CALD1: variants seen among roughly 807,000 people sequenced by gnomAD.
The protein encoded by CALD1 is caldesmon 1.
In CALD1, 33 loss-of-function variants were observed where a neutral mutation model predicts 99.9. That is an observed-to-expected ratio of 0.33 (90% confidence interval 0.25 to 0.44). CALD1 has a LOEUF of 0.44. Ranked by LOEUF, CALD1 falls within the 20% of genes least tolerant of loss-of-function variation. The probability of loss-of-function intolerance (pLI) is 1.00; values close to 1 mark genes in which losing one functional copy is unlikely to be tolerated. For synonymous variants in CALD1, 310 were observed against 325.0 expected (o/e 0.95, Z 0.50); for missense variants, 861 against 962.1 (o/e 0.89, Z 1.39).
chr7:134,730,475 G>A, the CALD1 span, among the ~76,000 whole-genome samples: 5 of 152,080 alleles, frequency 3.3e-5, no homozygotes, highest in South Asian at 2.1e-4. Context: ...AACTATCCAC[G>A]GGTTTTACAA....
At chr7:134,960,226 T>C (rs1390620934) in intron 12 of CALD1, 115 bp downstream of exon 12, 7 of 1,256,964 alleles carry the variant, frequency 5.6e-6, no homozygotes, top group Non-Finnish European at 7.9e-6. Context: ...GTGCAATTTG[T>C]ACTTTGTTTT....
At chr7:134,883,910 C>G (rs933170895) in intron 3 of CALD1, among the ~76,000 whole-genome samples, 3 of 152,086 alleles carry the variant, frequency 2.0e-5, no homozygotes, top group Non-Finnish European at 4.4e-5. Context: ...GAGTTTGAGA[C>G]CAGCCTGACC....
chr7:134,782,324 T>C (rs1797137778), intron 1 of CALD1, among the ~76,000 whole-genome samples: 1 of 152,210 alleles, frequency 6.6e-6, no homozygotes, highest in Non-Finnish European at 1.5e-5. Context: ...AGAAAGATGC[T>C]GCCAAAGAAT....
At chr7:134,759,475 G>C (rs543821932) in intron 1 of CALD1, among the ~76,000 whole-genome samples, 1 of 152,306 alleles carries the variant, frequency 6.6e-6, no homozygotes, top group Non-Finnish European at 1.5e-5. Context: ...CAGTGCTCAA[G>C]GCAGAGAGAA....
the CALD1 span, among the ~76,000 whole-genome samples, chr7:134,735,565 CTGTGTGTG>C: frequency 1.9e-4 from 23 of 121,404 alleles, no homozygotes; most frequent in African/African-American, 6.5e-4. Flanking sequence ...CCACTACCCT[CTGTGTGTG>C]TGTGTGTGTG....
chr7:134,826,050 T>TAA, intron 1 of CALD1, among the ~76,000 whole-genome samples: 1 of 151,516 alleles, frequency 6.6e-6, no homozygotes, highest in African/African-American at 2.4e-5. Flanking sequence ...CTACTGTTTA[T>TAA]ATAAAAAAAA....
intron 1 of CALD1, among the ~76,000 whole-genome samples, chr7:134,757,921 C>G (rs1366199476): frequency 2.0e-5 from 3 of 152,034 alleles, no homozygotes; most frequent in African/African-American, 7.2e-5. Context: ...GCAAAACTTT[C>G]AGAATGGCTC....
chr7:134,843,313 C>T (rs1799724999), intron 1 of CALD1, among the ~76,000 whole-genome samples: 1 of 152,192 alleles, frequency 6.6e-6, no homozygotes, highest in African/African-American at 2.4e-5. Flanking sequence ...AGAGAAAGAT[C>T]TTAAACAGGG....
At chr7:134,925,309 C>T (rs1804922437) in intron 3 of CALD1, among the ~76,000 whole-genome samples, 1 of 151,926 alleles carries the variant, frequency 6.6e-6, no homozygotes, top group African/African-American at 2.4e-5. Context: ...CAGCAATATC[C>T]AGCCATGAAG....
At chr7:134,719,701 T>G in the CALD1 span, among the ~76,000 whole-genome samples, 1 of 152,292 alleles carries the variant, frequency 6.6e-6, no homozygotes, top group Non-Finnish European at 1.5e-5. Context: ...TGCTTGGACG[T>G]CAACGGCCTT....
rs71172475 is a variant in CALD1 at position 134,766,141 on chromosome 7, C to CTTTTTTTTTTTTT, written c.-130+21794_-130+21806dup. Among the ~76,000 whole-genome samples, 30 of 70,804 alleles carry CTTTTTTTTTTTTT rather than the reference C, an allele frequency of 4.2e-4. 1 individual carries two copies. The highest frequency in any genetic ancestry group is 6.9e-4 in the African/African-American group (12 of 17,380). The allele number at this position is 70,804 out of a possible 152,430, so 46.5% of individuals were successfully genotyped here. A position where few individuals can be genotyped will look rare whatever the true frequency, so the allele number is the denominator to read the frequency against. On this transcript the variant is annotated intron_variant, in intron 1 of 13. Coordinates refer to the CALD1 transcript ENST00000417172. ...GAGCCCCTTAAACCTCTTTTCTTTT[C>CTTTTTTTTTTTTT]TTTTTTTTTTTTTTTTTTTTTTTTT...
chr7:134,905,955 G>GT (rs1361120842), intron 3 of CALD1, among the ~76,000 whole-genome samples: 1 of 112,704 alleles, frequency 8.9e-6, no homozygotes, highest in Non-Finnish European at 1.7e-5. Flanking sequence ...TTGAGACAGA[G>GT]TTTTGCTCTT....
intron 7 of CALD1, among the ~76,000 whole-genome samples, chr7:134,943,520 C>A (rs1313491061): frequency 6.6e-6 from 1 of 152,098 alleles, no homozygotes; most frequent in Non-Finnish European, 1.5e-5. Context: ...AATCTCAATT[C>A]AATGAGCAAG....
chr7:134,749,299 T>G (rs147582737), intron 1 of CALD1, among the ~76,000 whole-genome samples: 1 of 152,196 alleles, frequency 6.6e-6, no homozygotes, highest in South Asian at 2.1e-4. Context: ...GACTCAAGGA[T>G]GCAGAGCAAG....
At chr7:134,939,501 C>T (rs1293161337) in intron 6 of CALD1, among the ~76,000 whole-genome samples, 1 of 152,078 alleles carries the variant, frequency 6.6e-6, no homozygotes, top group African/African-American at 2.4e-5. Context: ...TCAGTGTGTC[C>T]GAGGGACATC....
In CALD1 at chr7:134,867,706, C is replaced by T. The variant is rs750117398; in HGVS notation, c.-28C>T. 6.7e-7 allele frequency: 1 copy of T among 1,489,506 alleles called. No homozygotes were observed. Among genetic ancestry groups the T allele is most frequent in the South Asian group, 1.2e-5 (1 of 85,866 alleles). 92.3% of individuals were successfully genotyped at this position (1,489,506 alleles called of 1,614,324 possible). Reference sequence around the variant, plus strand: ...CCTCTCTTTCAGGTCCAGACATCATCTGGTCTCCCTGAACCTGAAATCACA... The same window carrying T: ...CCTCTCTTTCAGGTCCAGACATCATTTGGTCTCCCTGAACCTGAAATCACA... On this transcript the variant is annotated 5_prime_UTR_variant, in exon 3 of 15. Coordinates refer to ENST00000361675, the MANE Select transcript of CALD1 (RefSeq NM_033138.4).
At chr7:134,816,060 C>T (rs1798550225) in intron 1 of CALD1, among the ~76,000 whole-genome samples, 2 of 152,198 alleles carry the variant, frequency 1.3e-5, no homozygotes, top group South Asian at 4.1e-4. Flanking sequence ...TGCTTTCACT[C>T]AGCCTATCTA....
intron 3 of CALD1, among the ~76,000 whole-genome samples, chr7:134,877,162 T>C (rs7778030): frequency 0.015 from 2,268 of 152,262 alleles, 54 homozygotes; most frequent in African/African-American, 0.051. Flanking sequence ...AAGGACATGG[T>C]AAGAAAGGCG....
chr7:134,942,463 G>A (rs1358967100), intron 7 of CALD1, among the ~76,000 whole-genome samples: 1 of 152,128 alleles, frequency 6.6e-6, no homozygotes, highest in East Asian at 1.9e-4. Context: ...AAGAAAAGGT[G>A]TACATAAAAG....
Sources: allele counts gnomAD v4.1 joint callset (sites outside exome capture counted in the v4.1 genomes callset), GRCh38; gene constraint gnomAD v4.1.1; transcripts MANE v1.5; gene names NCBI Gene and HGNC (gene_info 2026-07-23, HGNC 2026-07-21).